Variants in DENND1B observed in about 807,000 individuals in gnomAD.
DENND1B encodes DENN domain-containing protein 1B.
Under a neutral mutation model 90.1 loss-of-function variants are expected in DENND1B, and 59 were observed. The ratio of observed to expected loss-of-function variants is 0.65; its 90% confidence interval spans 0.53 to 0.81. The LOEUF (loss-of-function observed/expected upper bound fraction) is 0.81. Ranked by LOEUF, DENND1B falls within the 40% of genes least tolerant of loss-of-function variation. The probability of loss-of-function intolerance (pLI) is 0.00; values close to 1 mark genes in which losing one functional copy is unlikely to be tolerated. For synonymous variants in DENND1B, 337 were observed against 324.6 expected, an observed-to-expected ratio of 1.04 and a Z score of -0.41; for missense variants, 862 against 912.6, an observed-to-expected ratio of 0.94 and a Z score of 0.71.
At chr1:197,742,878 G>A (rs901217031) in intron 2 of DENND1B, among the ~76,000 whole-genome samples, 4 of 152,182 alleles carry the variant, frequency 2.6e-5, no homozygotes, top group Non-Finnish European at 5.9e-5. Flanking sequence ...ATGTCTGGCA[G>A]TGAATAGCTG....
chr1:197,705,280 T>C (rs1659416263), intron 3 of DENND1B, among the ~76,000 whole-genome samples: 1 of 152,136 alleles, frequency 6.6e-6, no homozygotes, highest in Non-Finnish European at 1.5e-5. Context: ...TTGACTAGAT[T>C]CCCATGTAAA....
chr1:197,715,579 GT>G (rs1660565280), intron 2 of DENND1B, among the ~76,000 whole-genome samples: 1 of 151,596 alleles, frequency 6.6e-6, no homozygotes, highest in African/African-American at 2.4e-5. Flanking sequence ...CCTTATATCA[GT>G]TTTTAAATCT....
chr1:197,728,671 C>T (rs1361479092), intron 2 of DENND1B, among the ~76,000 whole-genome samples: 1 of 152,096 alleles, frequency 6.6e-6, no homozygotes, highest in Non-Finnish European at 1.5e-5. Flanking sequence ...ATTCTTATTG[C>T]CTAATTAGTC....
intron 11 of DENND1B, among the ~76,000 whole-genome samples, chr1:197,616,609 C>G (rs949266503): frequency 1.3e-5 from 2 of 151,068 alleles, no homozygotes; most frequent in African/African-American, 4.8e-5. Context: ...TGTGTTGTCA[C>G]TACAATCACT....
chr1:197,670,603 G>A (rs1655408304), intron 5 of DENND1B, among the ~76,000 whole-genome samples: 1 of 151,894 alleles, frequency 6.6e-6, no homozygotes, highest in Admixed American at 6.6e-5. Flanking sequence ...AAATTTTTCT[G>A]TAAATCTCAA....
At chr1:197,763,495 T>C (rs1655352215) in intron 2 of DENND1B, among the ~76,000 whole-genome samples, 1 of 152,224 alleles carries the variant, frequency 6.6e-6, no homozygotes, top group South Asian at 2.1e-4. Flanking sequence ...AGTCAGACAC[T>C]GTTTTAGGCT....
chr1:197,602,954 T>C (rs1676338491), intron 13 of DENND1B, among the ~76,000 whole-genome samples: 1 of 151,322 alleles, frequency 6.6e-6, no homozygotes, highest in African/African-American at 2.4e-5. Flanking sequence ...CTTCTTATGA[T>C]TCCTGAAAGC....
intron 3 of DENND1B, among the ~76,000 whole-genome samples, chr1:197,698,270 A>C (rs557659278): frequency 6.6e-6 from 1 of 152,238 alleles, no homozygotes; most frequent in African/African-American, 2.4e-5. Context: ...TTCACTCGAA[A>C]CCCCACAATT....
chr1:197,560,618 G>A (rs1672082948), intron 15 of DENND1B, among the ~76,000 whole-genome samples: 2 of 151,844 alleles, frequency 1.3e-5, no homozygotes, highest in Admixed American at 1.3e-4. Context: ...TACCCACACT[G>A]GAGTAGGAAC....
At chr1:197,767,611 C>T (rs771351932) in intron 2 of DENND1B, among the ~76,000 whole-genome samples, 2 of 152,054 alleles carry the variant, frequency 1.3e-5, no homozygotes, top group Admixed American at 6.5e-5. Flanking sequence ...GAAAACAAGA[C>T]GTGCTAAAGA....
At chr1:197,552,864 T>C in intron 16 of DENND1B, 158 bp downstream of exon 16, 1 of 1,402,028 alleles carries the variant, frequency 7.1e-7, no homozygotes, top group Non-Finnish European at 9.2e-7. Context: ...AATAAGCTAA[T>C]TCCATAGCTT....
chr1:197,583,202 C>T lies in DENND1B; in HGVS notation c.1099G>A (p.Val367Met), dbSNP rs779126393. Residue 367 changes from valine (V) to methionine (M), a missense_variant, in exon 15 of 23, where the codon GTG becomes ATG. Coordinates refer to ENST00000620048, the MANE Select transcript of DENND1B (RefSeq NM_001195215.2). ...EESFVKHRSSVMKQFLETAIN... is the reference protein window; with the variant it reads ...EESFVKHRSSMMKQFLETAIN... ...GCAGTTTCCAGGAACTGTTTCATCA[C>T]GCTTGAGCGGTGCTTTACAAAACTC... 31 of 1,613,846 alleles carry T rather than the reference C, an allele frequency of 1.9e-5. No homozygotes were observed. The highest frequency in any genetic ancestry group is 1.7e-4 in the African/African-American group (13 of 74,998).
intron 14 of DENND1B, among the ~76,000 whole-genome samples, chr1:197,586,217 A>T (rs1349872261): frequency 2.0e-5 from 3 of 152,228 alleles, no homozygotes; most frequent in Non-Finnish European, 2.9e-5. Context: ...TACGGAATCA[A>T]ATATCAGAAT....
At chr1:197,563,211 G>A (rs1324786004) in intron 15 of DENND1B, among the ~76,000 whole-genome samples, 3 of 151,966 alleles carry the variant, frequency 2.0e-5, no homozygotes, top group African/African-American at 7.2e-5. Flanking sequence ...TCCCAATGAG[G>A]ATGAAACAAC....
intron 13 of DENND1B, among the ~76,000 whole-genome samples, chr1:197,601,961 A>T (rs1245872493): frequency 2.6e-5 from 4 of 151,704 alleles, no homozygotes; most frequent in Non-Finnish European, 5.9e-5. Context: ...GTAAATAATT[A>T]TATCTCTGAT....
intron 10 of DENND1B, among the ~76,000 whole-genome samples, chr1:197,638,462 T>C (rs543179184): frequency 8.8e-4 from 134 of 152,316 alleles, no homozygotes; most frequent in African/African-American, 3.1e-3. Context: ...AGAAAGCTCC[T>C]GTCAGATGCT....
At chr1:197,726,926 T>C (rs2102298702) in intron 2 of DENND1B, among the ~76,000 whole-genome samples, 1 of 152,304 alleles carries the variant, frequency 6.6e-6, no homozygotes. Context: ...GAACACAACA[T>C]AGCTATTACA....
chr1:197,552,347 G>C, intron 16 of DENND1B: 1 of 985,002 alleles, frequency 1.0e-6, no homozygotes, highest in Non-Finnish European at 1.2e-6. Flanking sequence ...GAATGAACAC[G>C]ACATTTCAAG....
intron 6 of DENND1B, among the ~76,000 whole-genome samples, chr1:197,656,823 A>T (rs1177178061): frequency 6.6e-6 from 1 of 151,916 alleles, no homozygotes; most frequent in South Asian, 2.1e-4. Context: ...TTTAAAAAAA[A>T]AATCAAAGAT....
Sources: allele counts gnomAD v4.1 joint callset (sites outside exome capture counted in the v4.1 genomes callset), GRCh38; gene constraint gnomAD v4.1.1; transcripts MANE v1.5; gene names NCBI Gene and HGNC (gene_info 2026-07-23, HGNC 2026-07-21).